Variants in SPRED1 observed in about 807,000 individuals in gnomAD.
SPRED1 encodes sprouty related EVH1 domain containing 1, also known as sprouty-related, EVH1 domain-containing protein 1.
SPRED1 carries 18 observed loss-of-function variants against 52.3 expected under a neutral mutation model. The observed-to-expected ratio is 0.34, with a 90% CI of 0.24 to 0.51. The LOEUF (loss-of-function observed/expected upper bound fraction) is 0.51. Among genes scored for constraint, SPRED1 ranks in the 20% least tolerant of loss-of-function variants. The pLI is 0.97. For missense variants in SPRED1, 485 were observed against 551.0 expected (o/e 0.88, Z 1.20); for synonymous variants, 155 against 179.7 (o/e 0.86, Z 1.10).
chr15:38,344,996 A>C (rs1364745522), intron 5 of SPRED1, among the ~76,000 whole-genome samples: 1 of 152,192 alleles, frequency 6.6e-6, no homozygotes, highest in Non-Finnish European at 1.5e-5. Flanking sequence ...ACAGTAAAGA[A>C]ATATTGTAGA....
At chr15:38,299,610 T>G (rs1895113740) in intron 2 of SPRED1, 63 bp downstream of exon 2, 2 of 1,504,770 alleles carry the variant, frequency 1.3e-6, no homozygotes, top group Non-Finnish European at 9.1e-7. Context: ...AAAGTTATGA[T>G]TAGTATACTG....
At chr15:38,309,977 C>G (rs995037657) in intron 2 of SPRED1, among the ~76,000 whole-genome samples, 1 of 152,120 alleles carries the variant, frequency 6.6e-6, no homozygotes, top group Non-Finnish European at 1.5e-5. Context: ...ATTATTGTGG[C>G]TATATAAGAA....
At chr15:38,273,994 G>A (rs538526652) in intron 1 of SPRED1, among the ~76,000 whole-genome samples, 2 of 152,248 alleles carry the variant, frequency 1.3e-5, no homozygotes, top group South Asian at 4.2e-4. Flanking sequence ...AGATAATCTT[G>A]AGAACTTTTT....
intron 2 of SPRED1, among the ~76,000 whole-genome samples, chr15:38,309,744 G>A (rs952602227): frequency 1.3e-5 from 2 of 152,014 alleles, no homozygotes; most frequent in African/African-American, 4.8e-5. Flanking sequence ...TTACATTTAA[G>A]CCCATTGTCC....
chr15:38,266,054 A>C (rs7169376), intron 1 of SPRED1, among the ~76,000 whole-genome samples: 125,567 of 152,142 alleles, frequency 0.83, 52,574 homozygotes, highest in Non-Finnish European at 0.9. Flanking sequence ...TGGTCATTAA[A>C]AGCTAAAGCA....
intron 6 of SPRED1, among the ~76,000 whole-genome samples, chr15:38,350,466 A>G (rs569677511): frequency 4.6e-5 from 7 of 152,342 alleles, no homozygotes; most frequent in Non-Finnish European, 7.3e-5. Context: ...GGGCTTCAGC[A>G]TATGAATTTG....
chr15:38,280,213 G>A, intron 1 of SPRED1, among the ~76,000 whole-genome samples: 1 of 152,078 alleles, frequency 6.6e-6, no homozygotes, highest in East Asian at 1.9e-4. Context: ...TTAAAGTGTA[G>A]GTAATATAAG....
chr15:38,282,252 A>G (rs1311854608), intron 1 of SPRED1, among the ~76,000 whole-genome samples: 2 of 151,906 alleles, frequency 1.3e-5, no homozygotes, highest in African/African-American at 4.8e-5. Context: ...AGGCCGGTGG[A>G]TCACTTGAGG....
At chr15:38,337,590 G>C (rs1352459253) in intron 4 of SPRED1, among the ~76,000 whole-genome samples, 1 of 152,000 alleles carries the variant, frequency 6.6e-6, no homozygotes, top group Non-Finnish European at 1.5e-5. Flanking sequence ...ATAAACACTT[G>C]TGATATTTTC....
chr15:38,292,573 AATG>A (rs1367429134), intron 1 of SPRED1, among the ~76,000 whole-genome samples: 1 of 152,180 alleles, frequency 6.6e-6, no homozygotes, highest in Non-Finnish European at 1.5e-5. Flanking sequence ...ACAAGAGAAA[AATG>A]AAGAAGCAAA....
At chr15:38,280,985 A>G (rs1056991715) in intron 1 of SPRED1, among the ~76,000 whole-genome samples, 1 of 152,236 alleles carries the variant, frequency 6.6e-6, no homozygotes, top group Admixed American at 6.5e-5. Flanking sequence ...GTGATGATAT[A>G]TTTAGAAACT....
At chr15:38,336,506 AAATCTCTGGAACAAAT>A (rs1895926093) in intron 4 of SPRED1, among the ~76,000 whole-genome samples, 1 of 146,858 alleles carries the variant, frequency 6.8e-6, no homozygotes, top group Non-Finnish European at 1.5e-5. Context: ...TCATTTTCAG[AAATCTCTGGAACAAAT>A]ACATTTCCTG....
chr15:38,309,627 A>T (rs1335787829), intron 2 of SPRED1, among the ~76,000 whole-genome samples: 1 of 152,072 alleles, frequency 6.6e-6, no homozygotes, highest in African/African-American at 2.4e-5. Flanking sequence ...TTTTTCTTTC[A>T]TGGATCATAC....
intron 4 of SPRED1, 58 bp downstream of exon 4, chr15:38,324,867 C>G: frequency 7.5e-7 from 1 of 1,339,024 alleles, no homozygotes; most frequent in Non-Finnish European, 1.1e-6. Flanking sequence ...AAATCACTAG[C>G]CTTATTCAAT....
chr15:38,308,487 T>C (rs1301622212), intron 2 of SPRED1, among the ~76,000 whole-genome samples: 23 of 152,260 alleles, frequency 1.5e-4, no homozygotes, highest in Non-Finnish European at 1.5e-5. Flanking sequence ...CTGTTGATTT[T>C]ATCACCACAT....
At chr15:38,325,515 G>C (rs1256318977) in intron 4 of SPRED1, among the ~76,000 whole-genome samples, 1 of 151,974 alleles carries the variant, frequency 6.6e-6, no homozygotes, top group Non-Finnish European at 1.5e-5. Context: ...GAATGGGCAG[G>C]CACGCTGAAA....
At chr15:38,265,005 T>C (rs1007549861) in intron 1 of SPRED1, among the ~76,000 whole-genome samples, 4 of 152,202 alleles carry the variant, frequency 2.6e-5, no homozygotes, top group Admixed American at 6.5e-5. Context: ...TGCAGGGTTT[T>C]ATCCAATACA....
intron 1 of SPRED1, chr15:38,283,579 G>T (rs772634629): frequency 9.5e-5 from 77 of 806,736 alleles, no homozygotes; most frequent in Non-Finnish European, 1.1e-4. Context: ...TGTAGAAAAT[G>T]AAAAATATAA....
intron 5 of SPRED1, among the ~76,000 whole-genome samples, chr15:38,345,358 G>A (rs1273283718): frequency 6.6e-6 from 1 of 152,308 alleles, no homozygotes; most frequent in East Asian, 1.9e-4. Flanking sequence ...AACTTGGTGA[G>A]TGTAAATGCT....
Sources: allele counts gnomAD v4.1 joint callset (sites outside exome capture counted in the v4.1 genomes callset), GRCh38; gene constraint gnomAD v4.1.1; transcripts MANE v1.5; gene names NCBI Gene and HGNC (gene_info 2026-07-23, HGNC 2026-07-21).